AKAP9: variants seen among roughly 807,000 people sequenced by gnomAD.
The protein encoded by AKAP9 is A-kinase anchor protein 9.
A neutral mutation model predicts 488.5 loss-of-function variants in AKAP9; 311 were observed. The observed-to-expected ratio is 0.64, with a 90% CI of 0.58 to 0.70. The LOEUF is 0.70. Ranked by LOEUF, AKAP9 falls within the 30% of genes least tolerant of loss-of-function variation. AKAP9 has a pLI of 0.00. For synonymous variants in AKAP9, 1,462 were observed against 1,483.5 expected, an observed-to-expected ratio of 0.99 and a Z score of 0.33; for missense variants, 4,215 against 4,374.5, an observed-to-expected ratio of 0.96 and a Z score of 1.03.
intron 49 of AKAP9, among the ~76,000 whole-genome samples, chr7:92,109,299 T>A (rs893885062): frequency 1.3e-5 from 2 of 152,218 alleles, no homozygotes; most frequent in African/African-American, 4.8e-5. Flanking sequence ...CTCTTTTCCC[T>A]ATCTCACTTC....
In AKAP9 at chr7:92,102,603, G is replaced by A; in HGVS notation, c.11107G>A (p.Gly3703Ser). The A allele has an allele frequency of 6.2e-7, 1 of 1,613,558 alleles. No individual in the cohort carries two copies. Among genetic ancestry groups the A allele is most frequent in the Non-Finnish European group, 8.5e-7 (1 of 1,179,554 alleles). The change falls in exon 46 of 50, where the codon GGT (glycine) becomes AGT (serine). Residue 3703 changes from glycine (G) to serine (S), a missense_variant. Coordinates refer to ENST00000356239, the MANE Select transcript of AKAP9 (RefSeq NM_005751.5). ...TCTTCCCTAAATATAGAGAATTTAT[G>A]GTAAATACTTGAGGGCAGAAAGTTT... is the stretch of plus-strand genomic sequence containing the variant. ...SEHVTLKRIYGKYLRAESFRK... is the reference protein window; with the variant it reads ...SEHVTLKRIYSKYLRAESFRK...
Position 92,002,700 on chromosome 7 carries a change from T to A in AKAP9, c.2783T>A (p.Leu928Ter). 1.2e-6 allele frequency: 2 copies of A among 1,613,516 alleles called. No individual in the cohort carries two copies. The highest frequency in any genetic ancestry group is 1.7e-6 in the Non-Finnish European group (2 of 1,179,700). ...DEDKTFVAETLEMGEVVEKDT... is the reference protein window; with the variant it reads ...DEDKTFVAET ...GACAAAACTTTTGTAGCAGAAACAT[T>A]GGAAATGGGTGAGGTTGTTGAAAAG... The change falls in exon 8 of 50, where the codon TTG becomes TAG. Residue 928 changes from leucine to a stop codon, truncating the protein, a stop_gained. Coordinates refer to ENST00000356239, the MANE Select transcript of AKAP9 (RefSeq NM_005751.5). LOFTEE classifies it high-confidence loss of function.
intron 8 of AKAP9, among the ~76,000 whole-genome samples, chr7:92,007,827 C>CTT (rs573199709): frequency 5.9e-5 from 9 of 152,108 alleles, no homozygotes; most frequent in Admixed American, 5.9e-4. Flanking sequence ...CAAGAACAGT[C>CTT]AAGAATATTT....
intron 47 of AKAP9, 131 bp downstream of exon 47, chr7:92,105,894 G>A: frequency 1.2e-6 from 1 of 808,436 alleles, no homozygotes; most frequent in Non-Finnish European, 2.1e-6. Context: ...GTGAGCAGCG[G>A]GCATTACTGC....
Position 92,001,043 on chromosome 7 carries a change from A to G in AKAP9, c.1126A>G (p.Met376Val), listed in dbSNP as rs1266163485. 6.3e-7 allele frequency: 1 copy of G among 1,597,258 alleles called. No individual in the cohort carries two copies. The highest frequency in any genetic ancestry group is 1.7e-5 in the Admixed American group (1 of 57,248). ...GCAAAAGAACCAAGAAATAAAAAAC[A>G]TGAAATTAGAGCTGACTAATTCTAA... ...IVQKNQEIKN[M>V]KLELTNSKQK... The change falls in exon 8 of 50, where the codon ATG (methionine) becomes GTG (valine). Residue 376 changes from methionine (M) to valine (V), a missense_variant. By Grantham distance (21) the Met-to-Val change is conservative. Transcript: ENST00000356239.
chr7:91,994,688 A>G lies in AKAP9; in HGVS notation c.644A>G (p.Gln215Arg), dbSNP rs755242462. ...ATAACCCAGCTCACTGCTAATTTAC[A>G]ACAAGCAAGAAGAGAAAAGGATGAG... The part of the protein sequence containing the change: ...GIITQLTANL[Q>R]QARREKDETM... The change falls in exon 6 of 50, where the codon CAA becomes CGA. Residue 215 changes from glutamine to arginine, a missense_variant. Physicochemically the swap from Gln to Arg is conservative, Grantham distance 43. Coordinates refer to ENST00000356239, the MANE Select transcript of AKAP9 (RefSeq NM_005751.5). 3 of 1,613,506 alleles carry G rather than the reference A, an allele frequency of 1.9e-6. No homozygotes were observed. Among genetic ancestry groups the G allele is most frequent in the Non-Finnish European group, 2.5e-6 (3 of 1,179,692 alleles).
At chr7:91,980,455 A>G (rs1401531996) in intron 3 of AKAP9, 122 bp downstream of exon 3, 1 of 285,782 alleles carries the variant, frequency 3.5e-6, no homozygotes, top group African/African-American at 2.5e-5. Context: ...TTATAAATAT[A>G]ATGTTAAGTG....
chr7:92,080,167 T>C lies in AKAP9; in HGVS notation c.8019+15T>C, dbSNP rs769167749. ...AAGTTCTCAAGGTTAGTTTTGTATT[T>C]TATTAGTTTCATTTAAATACCCCAA... On this transcript the variant is annotated intron_variant, in intron 31 of 49. Transcript: ENST00000356239. The C allele has an allele frequency of 7.1e-6, 11 of 1,544,780 alleles. No individual in the cohort carries two copies. The East Asian group carries it at 2.5e-4, about 36-fold the overall frequency.
At chr7:92,104,545 C>A (rs1818217324) in intron 46 of AKAP9, among the ~76,000 whole-genome samples, 1 of 152,126 alleles carries the variant, frequency 6.6e-6, no homozygotes, top group Non-Finnish European at 1.5e-5. Flanking sequence ...CTGAGATCAC[C>A]TAGTCCAGAA....
intron 1 of AKAP9, among the ~76,000 whole-genome samples, chr7:91,962,338 G>T (rs996976385): frequency 1.3e-5 from 2 of 151,984 alleles, no homozygotes; most frequent in Admixed American, 1.3e-4. Context: ...ATTTTGTTTT[G>T]CTTTTTGTCT....
At chr7:92,043,557 C>T (rs1424074568) in intron 20 of AKAP9, among the ~76,000 whole-genome samples, 2 of 151,970 alleles carry the variant, frequency 1.3e-5, no homozygotes, top group East Asian at 3.9e-4. Flanking sequence ...AATCATTTCT[C>T]TTAAGTAGAA....
At chr7:91,969,598 G>A (rs1201567217) in intron 1 of AKAP9, among the ~76,000 whole-genome samples, 1 of 152,158 alleles carries the variant, frequency 6.6e-6, no homozygotes, top group Non-Finnish European at 1.5e-5. Flanking sequence ...GGTGCTGGGT[G>A]CATAGATATT....
chr7:92,070,832 C>CA (rs1330182875), intron 27 of AKAP9, 73 bp from the exon 28 acceptor site: 57 of 1,013,292 alleles, frequency 5.6e-5, no homozygotes, highest in African/African-American at 1.1e-4. Context: ...AAAAGCAGAC[C>CA]AAAAAACAAA....
chr7:92,041,004 A>AT lies in AKAP9; in HGVS notation c.4917+121dup, dbSNP rs34494828. The AT allele has an allele frequency of 0.3, 223,942 of 750,198 alleles. 12,468 individuals carry two copies. The highest frequency in any genetic ancestry group is 0.45 in the African/African-American group (24,393 of 53,804). 46.5% of individuals were successfully genotyped at this position (750,198 alleles called of 1,614,324 possible). A position where few individuals can be genotyped will look rare whatever the true frequency, so the allele number is the denominator to read the frequency against. The stretch of plus-strand genomic sequence containing the variant: ...CAACAGTATTTTTTATGTAGCCATA[A>AT]TTTTTTTTTTTTTTTGCCGAAATCT... On this transcript the variant is annotated intron_variant, in intron 18 of 49. Coordinates refer to ENST00000356239, the MANE Select transcript of AKAP9 (RefSeq NM_005751.5).
intron 14 of AKAP9, among the ~76,000 whole-genome samples, chr7:92,027,221 GGT>G (rs1803378583): frequency 6.9e-6 from 1 of 145,132 alleles, no homozygotes. Flanking sequence ...GCGTCTGGGA[GGT>G]GAGCGCCTCT....
At chr7:92,018,268 C>G (rs1801797528) in intron 12 of AKAP9, among the ~76,000 whole-genome samples, 1 of 151,840 alleles carries the variant, frequency 6.6e-6, no homozygotes, top group Admixed American at 6.6e-5. Context: ...GCCTGTCGTC[C>G]CAGCTACTTG....
At chr7:92,057,921 GT>G in intron 22 of AKAP9, 3 of 226,556 alleles carry the variant, frequency 1.3e-5, no homozygotes, top group East Asian at 6.4e-5. Context: ...TTTGGTTTGG[GT>G]TTTTTTGAGG....
intron 30 of AKAP9, among the ~76,000 whole-genome samples, chr7:92,078,122 G>A (rs570977927): frequency 8.0e-4 from 122 of 151,734 alleles, no homozygotes; most frequent in Admixed American, 1.8e-3. Context: ...TCAGCCTCCC[G>A]AGTAGCTGGG....
intron 1 of AKAP9, among the ~76,000 whole-genome samples, chr7:91,947,903 A>G (rs1724722202): frequency 6.6e-6 from 1 of 152,156 alleles, no homozygotes; most frequent in Admixed American, 6.5e-5. Context: ...CTACTTCCCA[A>G]ACATCTTTCC....
Sources: gnomAD v4.1 joint callset for allele counts (sites outside exome capture counted in the v4.1 genomes callset) on GRCh38, gnomAD v4.1.1 for gene constraint, MANE v1.5 for transcripts, NCBI Gene and HGNC (gene_info 2026-07-23, HGNC 2026-07-21) for gene names.